ALK: variants seen among roughly 807,000 people sequenced by gnomAD.
ALK encodes the protein ALK receptor tyrosine kinase.
In ALK, 74 loss-of-function variants were observed where a neutral mutation model predicts 163.1. That is an observed-to-expected ratio of 0.45 (90% CI 0.38 to 0.55). The LOEUF is 0.55. Ranked by LOEUF, ALK falls within the 20% of genes least tolerant of loss-of-function variation. ALK has a pLI of 0.00. For missense variants in ALK, 2,063 were observed against 2,105.3 expected (o/e 0.98, Z 0.39); for synonymous variants, 960 against 843.2 (o/e 1.14, Z -2.40).
chr2:29,748,191 T>C (rs1480190331), intron 1 of ALK, among the ~76,000 whole-genome samples: 1 of 152,178 alleles, frequency 6.6e-6, no homozygotes. Flanking sequence ...TCTCCAGTGC[T>C]TTGCAAAGAC....
At chr2:29,844,888 CAG>C (rs1491057588) in intron 1 of ALK, among the ~76,000 whole-genome samples, 1 of 150,808 alleles carries the variant, frequency 6.6e-6, no homozygotes, top group Non-Finnish European at 1.5e-5. Context: ...CACACACACA[CAG>C]AGGCACACAC....
rs185312060 is a variant in ALK at position 29,591,684 on chromosome 2, A to G, written c.953-59568T>C. Among the ~76,000 whole-genome samples the G allele has an allele frequency of 1.0e-3, 158 of 152,310 alleles. 1 individual carries two copies. Among genetic ancestry groups the G allele is most frequent in the African/African-American group, 3.6e-3 (149 of 41,570 alleles). On this transcript the variant is annotated intron_variant, in intron 3 of 28. Transcript: ENST00000389048. ...GCAAGGAGTGACAGCAGGGCTAACA[A>G]CGAGAGAGAAATGAAAGGAGAGAGG...
intron 5 of ALK, among the ~76,000 whole-genome samples, chr2:29,343,781 T>A (rs1667868932): frequency 6.6e-6 from 1 of 152,164 alleles, no homozygotes; most frequent in Non-Finnish European, 1.5e-5. Context: ...CTCTCAGCCC[T>A]CAATCTTGCT....
intron 20 of ALK, 55 bp downstream of exon 20, chr2:29,223,287 C>A (rs889714140): frequency 1.3e-5 from 21 of 1,592,320 alleles, no homozygotes; most frequent in Admixed American, 1.0e-4. Context: ...GCTGTGATAA[C>A]ATTCAGCCCC....
rs77867528 is a variant in ALK at position 29,486,450 on chromosome 2, T to C, written c.1154+45465A>G. Among the ~76,000 whole-genome samples the C allele has an allele frequency of 8.2e-3, 1,247 of 152,302 alleles. 10 individuals carry two copies. Among genetic ancestry groups the C allele is most frequent in the East Asian group, 0.019 (101 of 5,186 alleles). ...GCTTCTCTGGGCATTTTTCTGAACC[T>C]TTCTGATAATGTTCTTAGACTTAAA... is the stretch of plus-strand genomic sequence containing the variant. On this transcript the variant is annotated intron_variant, in intron 4 of 28. Coordinates refer to ENST00000389048, the MANE Select transcript of ALK (RefSeq NM_004304.5).
chr2:29,632,173 A>G (rs1676397611), intron 3 of ALK, among the ~76,000 whole-genome samples: 1 of 152,224 alleles, frequency 6.6e-6, no homozygotes, highest in Admixed American at 6.5e-5. Context: ...TGTCTGGTGC[A>G]GAGCTTTGCA....
At chr2:29,831,187 G>A (rs1665395465) in intron 1 of ALK, among the ~76,000 whole-genome samples, 1 of 57,910 alleles carries the variant, frequency 1.7e-5, no homozygotes, top group Non-Finnish European at 3.3e-5. Context: ...AAGGGGAAGG[G>A]GAAGGGGAAG....
intron 5 of ALK, among the ~76,000 whole-genome samples, chr2:29,360,767 G>T (rs1295732698): frequency 1.3e-5 from 2 of 152,222 alleles, no homozygotes; most frequent in African/African-American, 4.8e-5. Flanking sequence ...TTATTTCTAG[G>T]TTGATGAGAT....
Position 29,848,786 on chromosome 2 carries a change from G to C in ALK, c.667+71207C>G, listed in dbSNP as rs146692942. Among the ~76,000 whole-genome samples the C allele has an allele frequency of 5.3e-5, 8 of 152,288 alleles. No homozygotes were observed. In the East Asian group the frequency reaches 1.5e-3, roughly 29 times the overall value. ...ATCCTGCGGGCTGTTGGCAGAAGCTGACTTAGGAGACCGGCTGGGGAGGAA... is the reference window on the plus strand; with the variant it reads ...ATCCTGCGGGCTGTTGGCAGAAGCTCACTTAGGAGACCGGCTGGGGAGGAA... On this transcript the variant is annotated intron_variant, in intron 1 of 28. Coordinates refer to ENST00000389048, the MANE Select transcript of ALK (RefSeq NM_004304.5).
intron 3 of ALK, among the ~76,000 whole-genome samples, chr2:29,600,778 T>C (rs542184244): frequency 4.0e-4 from 61 of 152,250 alleles, no homozygotes; most frequent in African/African-American, 1.4e-3. Context: ...AGTTGGGGCA[T>C]AAACAGTAGA....
At chr2:29,794,241 C>A (rs1457892411) in intron 1 of ALK, among the ~76,000 whole-genome samples, 2 of 152,144 alleles carry the variant, frequency 1.3e-5, no homozygotes, top group East Asian at 3.9e-4. Flanking sequence ...TTTTCTCCTG[C>A]AGATTCTCCA....
chr2:29,489,957 G>T (rs1671861932), intron 4 of ALK, among the ~76,000 whole-genome samples: 1 of 152,252 alleles, frequency 6.6e-6, no homozygotes, highest in African/African-American at 2.4e-5. Context: ...AAACATGGTT[G>T]TTGCACCACA....
intron 1 of ALK, among the ~76,000 whole-genome samples, chr2:29,893,297 GC>G (rs1370160814): frequency 6.6e-6 from 1 of 152,098 alleles, no homozygotes; most frequent in Non-Finnish European, 1.5e-5. Flanking sequence ...TTAAAGATAA[GC>G]CCATCTGCTT....
intron 3 of ALK, among the ~76,000 whole-genome samples, chr2:29,626,239 T>C (rs1008364002): frequency 2.0e-5 from 3 of 152,142 alleles, no homozygotes; most frequent in Non-Finnish European, 4.4e-5. Flanking sequence ...CTTGGCTGTG[T>C]CCCCACCCAA....
In ALK at chr2:29,209,674, G is replaced by T. The variant is rs1669410679; in HGVS notation, c.3836+112C>A. 1.0e-5 allele frequency: 8 copies of T among 762,060 alleles called. No homozygotes were observed. The South Asian group carries it at 1.3e-4, about 12-fold the overall frequency. 47.2% of individuals were successfully genotyped at this position (762,060 alleles called of 1,614,324 possible). A position where few individuals can be genotyped will look rare whatever the true frequency, so the allele number is the denominator to read the frequency against. ...AAGGAACTTAGTGAAATTTTAGGTA[G>T]AAAGTTGACAGGGTACCAGGAGATG... On this transcript the variant is annotated intron_variant, in intron 25 of 28. Transcript: ENST00000389048.
intron 1 of ALK, among the ~76,000 whole-genome samples, chr2:29,743,684 GACCATCTGCCAGAA>G (rs1175305524): frequency 6.6e-6 from 1 of 152,156 alleles, no homozygotes; most frequent in Non-Finnish European, 1.5e-5. Flanking sequence ...ATCTTTTAAA[GACCATCTGCCAGAA>G]ACCACCCAAC....
intron 3 of ALK, among the ~76,000 whole-genome samples, chr2:29,598,408 A>G (rs1419291023): frequency 6.6e-6 from 1 of 151,868 alleles, no homozygotes; most frequent in Non-Finnish European, 1.5e-5. Context: ...GACATGGACT[A>G]GTGTAACAGA....
intron 6 of ALK, 52 bp downstream of exon 6, chr2:29,328,298 G>T: frequency 6.2e-7 from 1 of 1,613,490 alleles, no homozygotes; most frequent in Non-Finnish European, 8.5e-7. Context: ...GGACAACGGG[G>T]TTATGAGCAT....
chr2:29,303,333 T>A (rs558647429), intron 8 of ALK, among the ~76,000 whole-genome samples: 4 of 152,012 alleles, frequency 2.6e-5, no homozygotes, highest in African/African-American at 7.2e-5. Flanking sequence ...ACCAATGAGA[T>A]ACCATCTCAC....
Sources: gnomAD v4.1 joint callset for allele counts (sites outside exome capture counted in the v4.1 genomes callset) on GRCh38, gnomAD v4.1.1 for gene constraint, MANE v1.5 for transcripts, NCBI Gene and HGNC (gene_info 2026-07-23, HGNC 2026-07-21) for gene names.